The following KISS1R variants were observed in gnomAD, a reference collection of about 807,000 sequenced individuals.
KISS1R encodes kiSS-1 receptor.
KISS1R carries 19 observed loss-of-function variants against 22.0 expected under a neutral mutation model. The ratio of observed to expected loss-of-function variants is 0.86; its 90% CI spans 0.60 to 1.26. The LOEUF (loss-of-function observed/expected upper bound fraction) is 1.26, where lower values mean the gene tolerates loss of function less well. Among genes scored for constraint, KISS1R ranks in the 50% most tolerant of loss-of-function variants. The pLI, the probability that KISS1R is intolerant of heterozygous loss-of-function variation, is 0.00. For synonymous variants in KISS1R, 302 were observed against 283.9 expected (o/e 1.06, Z -0.64); for missense variants, 653 against 581.9 (o/e 1.12, Z -1.26).
chr19:920,228 G>A (rs2037104969), intron 4 of KISS1R, 62 bp from the exon 5 acceptor site: 4 of 1,532,594 alleles, frequency 2.6e-6, no homozygotes, highest in Non-Finnish European at 1.7e-6. Context: ...GGGGCGGTGC[G>A]AGGGGATGAG....
chr19:920,893 G>C lies in KISS1R; in HGVS notation c.*145G>C. 4.1e-6 allele frequency: 4 copies of C among 964,674 alleles called. No homozygotes were observed. Among genetic ancestry groups the C allele is most frequent in the Non-Finnish European group, 4.0e-6 (3 of 747,066 alleles). The allele number at this position is 964,674 out of a possible 1,614,324, so 59.8% of individuals were successfully genotyped here. ...CTCTTGTGACGTTCGGTGCAGTTTCGTTGTGAAGTTTGCTATTGATATTGA... is the reference window on the plus strand; with the variant it reads ...CTCTTGTGACGTTCGGTGCAGTTTCCTTGTGAAGTTTGCTATTGATATTGA... On this transcript the variant is annotated 3_prime_UTR_variant, in exon 5 of 5. Transcript: ENST00000234371.
Position 920,159 on chromosome 19 carries a change from T to C in KISS1R, c.738+53T>C, listed in dbSNP as rs1004303223. The C allele has an allele frequency of 2.0e-6, 3 of 1,474,928 alleles. No individual in the cohort carries two copies. The African/African-American group carries it at 4.4e-5, about 21-fold the overall frequency. The allele number at this position is 1,474,928 out of a possible 1,614,324, so 91.4% of individuals were successfully genotyped here. On this transcript the variant is annotated intron_variant, in intron 4 of 4. Transcript: ENST00000234371. The stretch of plus-strand genomic sequence containing the variant: ...AGGCTGGGCGGGCGGGGAGGCACCG[T>C]GGTGGGAGGCGCCGGTGGGGGCATC...
At position 919,916 on chromosome 19, in the gene KISS1R, T is replaced by G. The variant is rs754927934; in HGVS notation, c.548T>G (p.Leu183Arg). Reference protein sequence around the residue: ...VSAPVLALHRLSPGPRAYCSE... With the variant: ...VSAPVLALHRRSPGPRAYCSE... ...GCGCCGGTGCTCGCCCTGCACCGCC[T>G]GTCACCCGGGCCGCGCGCCTACTGC... Residue 183 changes from leucine to arginine, a missense_variant, in exon 4 of 5, where the codon CTG (leucine) becomes CGG (arginine). Leu to Arg is a moderately radical substitution (Grantham distance 102). Transcript: ENST00000234371. 1 of 1,553,064 alleles carries G rather than the reference T, an allele frequency of 6.4e-7. No individual in the cohort carries two copies.
rs535137119 is a variant in KISS1R, at chr19:920,549, C to T, written c.998C>T (p.Ala333Val). Reference protein sequence around the residue: ...YAFLGSHFRQAFRRVCPCAPR... With the variant: ...YAFLGSHFRQVFRRVCPCAPR... The stretch of plus-strand genomic sequence containing the variant: ...TTCCTGGGCTCGCACTTCCGACAGG[C>T]CTTCCGCCGCGTCTGCCCCTGCGCG... Residue 333 changes from alanine (A) to valine (V), a missense_variant, in exon 5 of 5, where the codon GCC becomes GTC. Ala to Val is a moderately conservative substitution (Grantham distance 64). Coordinates refer to ENST00000234371, the MANE Select transcript of KISS1R (RefSeq NM_032551.5). 2.6e-5 allele frequency: 41 copies of T among 1,583,682 alleles called. No homozygotes were observed. The South Asian group carries it at 2.6e-4, about 10-fold the overall frequency.
At chr19:919,822 TG>T in intron 3 of KISS1R, 51 bp from the exon 4 acceptor site, 5 of 1,515,382 alleles carry the variant, frequency 3.3e-6, no homozygotes, top group Non-Finnish European at 4.4e-6. Context: ...GGGAGGCACG[TG>T]GGGGACCGCT....
At position 920,422 on chromosome 19, in the gene KISS1R, G is replaced by A. The variant is rs910854883; in HGVS notation, c.871G>A (p.Ala291Thr). The change falls in exon 5 of 5, where the codon GCG becomes ACG. Residue 291 changes from alanine (A) to threonine (T), a missense_variant. Ala to Thr is a moderately conservative substitution (Grantham distance 58). Transcript: ENST00000234371. ...LFLVLQALGP[A>T]GSWHPRSYAA... The stretch of plus-strand genomic sequence containing the variant: ...CCTGGTGCTGCAGGCGCTGGGCCCC[G>A]CGGGCTCCTGGCACCCACGCAGCTA... The A allele has an allele frequency of 1.6e-5, 26 of 1,607,874 alleles. No individual in the cohort carries two copies. The highest frequency in any genetic ancestry group is 2.7e-5 in the African/African-American group (2 of 74,518).
At chr19:919,264 G>C (rs1302052680) in intron 2 of KISS1R, among the ~76,000 whole-genome samples, 1 of 151,984 alleles carries the variant, frequency 6.6e-6, no homozygotes, top group Non-Finnish European at 1.5e-5. Flanking sequence ...TCAGACTCGG[G>C]GTATCAGCCG....
Position 920,577 on chromosome 19 carries a change from G to A in KISS1R, c.1026G>A (p.Pro342=). The change falls in exon 5 of 5, where the codon CCG becomes CCA. Residue 342 remains proline, a synonymous_variant. Coordinates refer to ENST00000234371, the MANE Select transcript of KISS1R (RefSeq NM_032551.5). ...QAFRRVCPCA[P]RRPRRPRRPG... ...TCCGCCGCGTCTGCCCCTGCGCGCC[G>A]CGCCGCCCCCGCCGCCCCCGCCGGC... The A allele has an allele frequency of 2.0e-6, 3 of 1,512,186 alleles. No homozygotes were observed. Among genetic ancestry groups the A allele is most frequent in the Non-Finnish European group, 2.6e-6 (3 of 1,136,212 alleles). 93.7% of individuals were successfully genotyped at this position (1,512,186 alleles called of 1,614,324 possible).
Position 917,576 on chromosome 19 carries a change from G to A in KISS1R, c.74G>A (p.Cys25Tyr), listed in dbSNP as rs1157421470. The change falls in exon 1 of 5, where the codon TGT becomes TAT. Residue 25 changes from cysteine (C) to tyrosine (Y), a missense_variant. Coordinates refer to ENST00000234371, the MANE Select transcript of KISS1R (RefSeq NM_032551.5). Reference protein sequence around the residue: ...APANASGCPGCGANASDGPVP... With the variant: ...APANASGCPGYGANASDGPVP... ...GCCAACGCCTCCGGCTGCCCGGGCT[G>A]TGGCGCCAACGCCTCGGACGGCCCA... 1.3e-6 allele frequency: 2 copies of A among 1,535,690 alleles called. No individual in the cohort carries two copies. The highest frequency in any genetic ancestry group is 3.9e-5 in the Admixed American group (2 of 50,776).
At position 920,731 on chromosome 19, in the gene KISS1R, G is replaced by T; in HGVS notation, c.1180G>T (p.Asp394Tyr). 7.7e-7 allele frequency: 1 copy of T among 1,295,160 alleles called. No individual in the cohort carries two copies. Among genetic ancestry groups the T allele is most frequent in the South Asian group, 2.9e-5 (1 of 34,840 alleles). 80.2% of individuals were successfully genotyped at this position (1,295,160 alleles called of 1,614,324 possible). Reference sequence around the variant, plus strand: ...GCGCGGGCTGTGCGTCCTGGGGGAGGACAACGCCCCTCTCTGAGCGGACCC... The same window carrying T: ...GCGCGGGCTGTGCGTCCTGGGGGAGTACAACGCCCCTCTCTGAGCGGACCC... ...AARGLCVLGE[D>Y]NAPL Residue 394 changes from aspartate (D) to tyrosine (Y), a missense_variant, in exon 5 of 5, where the codon GAC becomes TAC. Coordinates refer to ENST00000234371, the MANE Select transcript of KISS1R (RefSeq NM_032551.5).
chr19:918,646 A>G lies in KISS1R; in HGVS notation c.347A>G (p.Lys116Arg). The G allele has an allele frequency of 6.4e-7, 1 of 1,550,508 alleles. No homozygotes were observed. The highest frequency in any genetic ancestry group is 8.7e-7 in the Non-Finnish European group (1 of 1,146,646). The change falls in exon 2 of 5, where the codon AAG becomes AGG. Residue 116 changes from lysine (K) to arginine (R), a missense_variant. Coordinates refer to ENST00000234371, the MANE Select transcript of KISS1R (RefSeq NM_032551.5). ...TGGGTGCTGGGCGACTTCATGTGCA[A>G]GTTCGTCAACTACATCCAGCAGGTG... ...PGWVLGDFMC[K>R]FVNYIQQVSV...
At chr19:919,724 G>A in intron 3 of KISS1R, 99 bp downstream of exon 3, 1 of 1,518,320 alleles carries the variant, frequency 6.6e-7, no homozygotes, top group African/African-American at 1.4e-5. Flanking sequence ...TCTGGAAAAT[G>A]GGCGCAATAG....
chr19:917,573 G>C lies in KISS1R; in HGVS notation c.71G>C (p.Gly24Ala). 2 of 1,534,006 alleles carry C rather than the reference G, an allele frequency of 1.3e-6. No individual in the cohort carries two copies. Among genetic ancestry groups the C allele is most frequent in the Admixed American group, 2.0e-5 (1 of 50,658 alleles). The stretch of plus-strand genomic sequence containing the variant: ...CCGGCCAACGCCTCCGGCTGCCCGG[G>C]CTGTGGCGCCAACGCCTCGGACGGC... ...GAPANASGCP[G>A]CGANASDGPV... Residue 24 changes from glycine (G) to alanine (A), a missense_variant, in exon 1 of 5, where the codon GGC (glycine) becomes GCC (alanine). Coordinates refer to ENST00000234371, the MANE Select transcript of KISS1R (RefSeq NM_032551.5).
chr19:918,757 A>G (rs1432208155), intron 2 of KISS1R, 89 bp downstream of exon 2: 3 of 1,158,406 alleles, frequency 2.6e-6, no homozygotes, highest in Non-Finnish European at 3.3e-6. Flanking sequence ...GCACTTGGGG[A>G]CAGGCGGGAG....
At position 920,870 on chromosome 19, in the gene KISS1R, CTT is replaced by C; in HGVS notation, c.*123_*124del. 1 of 1,142,984 alleles carries C rather than the reference CTT, an allele frequency of 8.7e-7. No homozygotes were observed. 70.8% of individuals were successfully genotyped at this position (1,142,984 alleles called of 1,614,324 possible). On this transcript the variant is annotated 3_prime_UTR_variant, in exon 5 of 5. Transcript: ENST00000234371. ...ATCAACTGTGGAAATATTTTGGTCTCTTGTGACGTTCGGTGCAGTTTCGTTGT... is the reference window on the plus strand; with the variant it reads ...ATCAACTGTGGAAATATTTTGGTCTCGTGACGTTCGGTGCAGTTTCGTTGT...
At position 919,857 on chromosome 19, in the gene KISS1R, C is replaced by G. The variant is rs550478223; in HGVS notation, c.506-17C>G. On this transcript the variant is annotated splice_polypyrimidine_tract_variant and intron_variant, in intron 3 of 4. Transcript: ENST00000234371. ...CTGGTTCCCCGAGCGGGGTCTTCAT[C>G]CTGGCTTGTGGCACAGGCTCTGCGG... 1 of 1,536,208 alleles carries G rather than the reference C, an allele frequency of 6.5e-7. No homozygotes were observed. Among genetic ancestry groups the G allele is most frequent in the East Asian group, 2.4e-5 (1 of 40,902 alleles).
At position 917,635 on chromosome 19, in the gene KISS1R, G is replaced by C. The variant is rs2037068176; in HGVS notation, c.133G>C (p.Val45Leu). ...GCCGCGGGCCGTGGACGCCTGGCTC[G>C]TGCCGCTCTTCTTCGCGGCGCTGAT... The part of the protein sequence containing the change: ...PSPRAVDAWL[V>L]PLFFAALMLL... Residue 45 changes from valine (V) to leucine (L), a missense_variant, in exon 1 of 5, where the codon GTG becomes CTG. Val to Leu is a conservative substitution (Grantham distance 32, BLOSUM62 1). Transcript: ENST00000234371. The C allele has an allele frequency of 6.3e-7, 1 of 1,583,790 alleles. No homozygotes were observed. The highest frequency in any genetic ancestry group is 1.7e-4 in the Middle Eastern group (1 of 5,960).
In KISS1R at chr19:919,960, C is replaced by A. The variant is rs1250724214; in HGVS notation, c.592C>A (p.Arg198Ser). Residue 198 changes from arginine to serine, a missense_variant, in exon 4 of 5, where the codon CGC (arginine) becomes AGC (serine). By Grantham distance (110) the Arg-to-Ser change is moderately radical. Coordinates refer to ENST00000234371, the MANE Select transcript of KISS1R (RefSeq NM_032551.5). The part of the protein sequence containing the change: ...RAYCSEAFPS[R>S]ALERAFALYN... ...CTACTGCAGTGAGGCCTTCCCCAGCCGCGCCCTGGAGCGCGCCTTCGCACT... is the reference window on the plus strand; with the variant it reads ...CTACTGCAGTGAGGCCTTCCCCAGCAGCGCCCTGGAGCGCGCCTTCGCACT... 3 of 1,571,430 alleles carry A rather than the reference C, an allele frequency of 1.9e-6. No individual in the cohort carries two copies. Among genetic ancestry groups the A allele is most frequent in the East Asian group, 2.4e-5 (1 of 42,170 alleles).
rs1329120167 is a variant in KISS1R, at chr19:917,736, C to A, written c.234C>A (p.Asn78Lys). ...ACAAGCCGATGCGGACCGTGACCAA[C>A]TTCTACATCGGTGAGTGCGGGCGCT... ...CRHKPMRTVT[N>K]FYIANLAATD... Residue 78 changes from asparagine to lysine, a missense_variant, in exon 1 of 5, where the codon AAC becomes AAA. Asn to Lys is a moderately conservative substitution (Grantham distance 94, BLOSUM62 0). Coordinates refer to ENST00000234371, the MANE Select transcript of KISS1R (RefSeq NM_032551.5). 6.2e-7 allele frequency: 1 copy of A among 1,606,504 alleles called. No individual in the cohort carries two copies. Among genetic ancestry groups the A allele is most frequent in the South Asian group, 1.1e-5 (1 of 90,410 alleles).
Sources: allele counts gnomAD v4.1 joint callset (sites outside exome capture counted in the v4.1 genomes callset), GRCh38; gene constraint gnomAD v4.1.1; transcripts MANE v1.5; gene names NCBI Gene and HGNC (gene_info 2026-07-23, HGNC 2026-07-21).